Variants in SPATA16 observed in about 807,000 individuals in gnomAD.
The protein encoded by SPATA16 is spermatogenesis associated 16.
A neutral mutation model predicts 63.3 loss-of-function variants in SPATA16; 36 were observed. The observed-to-expected ratio is 0.57, with a 90% CI of 0.44 to 0.75. The LOEUF (loss-of-function observed/expected upper bound fraction) is 0.75, where lower values mean the gene tolerates loss of function less well. Ranked by LOEUF, SPATA16 falls within the 30% of genes least tolerant of loss-of-function variation. SPATA16 has a pLI of 0.00. For synonymous variants in SPATA16, 203 were observed against 216.7 expected (o/e 0.94, Z 0.56); for missense variants, 646 against 679.3 (o/e 0.95, Z 0.54).
chr3:173,091,649 G>T (rs999463152), intron 2 of SPATA16, among the ~76,000 whole-genome samples: 2 of 152,074 alleles, frequency 1.3e-5, no homozygotes, highest in Non-Finnish European at 2.9e-5. Context: ...CTAAGTGCTA[G>T]AAAAATGTTT....
At chr3:173,133,449 A>G (rs1738439757) in intron 1 of SPATA16, among the ~76,000 whole-genome samples, 1 of 152,098 alleles carries the variant, frequency 6.6e-6, no homozygotes, top group Admixed American at 6.5e-5. Flanking sequence ...CACCACAGCC[A>G]TGTTGTTCTC....
chr3:173,075,272 T>C (rs2108309863), intron 2 of SPATA16, among the ~76,000 whole-genome samples: 1 of 152,172 alleles, frequency 6.6e-6, no homozygotes, highest in African/African-American at 2.4e-5. Context: ...ATACAGTCAA[T>C]GACAGATTCT....
At chr3:173,093,071 A>T (rs1737262784) in intron 2 of SPATA16, among the ~76,000 whole-genome samples, 1 of 150,192 alleles carries the variant, frequency 6.7e-6, no homozygotes, top group South Asian at 2.1e-4. Flanking sequence ...ACACACACAC[A>T]CACACATATA....
chr3:173,017,631 G>A (rs893031634), intron 4 of SPATA16, among the ~76,000 whole-genome samples: 2 of 152,140 alleles, frequency 1.3e-5, no homozygotes, highest in African/African-American at 2.4e-5. Context: ...CAACTAGCTC[G>A]CTCCGAATTC....
intron 4 of SPATA16, among the ~76,000 whole-genome samples, chr3:172,996,067 A>G (rs1325321667): frequency 6.6e-6 from 1 of 152,008 alleles, no homozygotes; most frequent in Admixed American, 6.6e-5. Context: ...TAGCCTTAAC[A>G]CTTTTAATGA....
chr3:173,038,692 T>C (rs554174639), intron 3 of SPATA16, among the ~76,000 whole-genome samples: 9 of 152,234 alleles, frequency 5.9e-5, no homozygotes, highest in African/African-American at 2.2e-4. Context: ...AGACCAGCCA[T>C]TCACTGTGCT....
At chr3:173,061,677 C>A (rs998283442) in intron 2 of SPATA16, among the ~76,000 whole-genome samples, 1 of 152,158 alleles carries the variant, frequency 6.6e-6, no homozygotes, top group African/African-American at 2.4e-5. Flanking sequence ...GAAAGAAGCT[C>A]TACACTGTAG....
intron 10 of SPATA16, among the ~76,000 whole-genome samples, chr3:172,900,260 T>C (rs964455078): frequency 6.6e-6 from 1 of 152,214 alleles, no homozygotes; most frequent in Non-Finnish European, 1.5e-5. Context: ...CTGGCCTCCA[T>C]AGTTTCTAAT....
intron 2 of SPATA16, among the ~76,000 whole-genome samples, chr3:173,114,634 T>A (rs1359026510): frequency 6.6e-6 from 1 of 152,206 alleles, no homozygotes; most frequent in African/African-American, 2.4e-5. Flanking sequence ...CTTCAGACAC[T>A]TATTTTGCAG....
At chr3:173,067,729 T>G (rs778452737) in intron 2 of SPATA16, among the ~76,000 whole-genome samples, 1 of 151,910 alleles carries the variant, frequency 6.6e-6, no homozygotes, top group Non-Finnish European at 1.5e-5. Flanking sequence ...CTTTCCAAAC[T>G]TATAGAAAGA....
intron 3 of SPATA16, among the ~76,000 whole-genome samples, chr3:173,046,092 A>G (rs1304288698): frequency 6.6e-6 from 1 of 152,074 alleles, no homozygotes; most frequent in Admixed American, 6.6e-5. Context: ...AAATATATTT[A>G]TATAATAAAA....
chr3:172,894,248 A>C (rs1289840850), intron 10 of SPATA16, among the ~76,000 whole-genome samples: 1 of 152,180 alleles, frequency 6.6e-6, no homozygotes, highest in Non-Finnish European at 1.5e-5. Context: ...TTAGAATTAC[A>C]ATTGTTTTCA....
At chr3:172,947,802 G>C (rs1372386619) in intron 6 of SPATA16, among the ~76,000 whole-genome samples, 1 of 151,588 alleles carries the variant, frequency 6.6e-6, no homozygotes, top group Non-Finnish European at 1.5e-5. Flanking sequence ...AGGGGAAGGA[G>C]AGCATTAGGA....
chr3:172,911,385 C>T (rs1219571847), intron 10 of SPATA16, among the ~76,000 whole-genome samples: 2 of 152,092 alleles, frequency 1.3e-5, no homozygotes, highest in African/African-American at 2.4e-5. Flanking sequence ...TTAGTAGGGT[C>T]CCTGCTCCAA....
intron 1 of SPATA16, among the ~76,000 whole-genome samples, chr3:173,120,891 A>T (rs1367712629): frequency 6.6e-6 from 1 of 151,952 alleles, no homozygotes; most frequent in Admixed American, 6.6e-5. Flanking sequence ...AAACTGCTCT[A>T]TAGAAATCAT....
rs562554498 is a variant in SPATA16, at chr3:173,018,667, T to G, written c.848+819A>C. Among the ~76,000 whole-genome samples, 4 of 152,316 alleles carry G rather than the reference T, an allele frequency of 2.6e-5. No homozygotes were observed. The South Asian group carries it at 8.3e-4, about 32-fold the overall frequency. On this transcript the variant is annotated intron_variant, in intron 4 of 10. Coordinates refer to ENST00000351008, the MANE Select transcript of SPATA16 (RefSeq NM_031955.6). ...TTCTAGACAGTAGTCACCTGCAACC[T>G]AGGCACCCCATCTCGATTCCTGCAG...
At chr3:173,062,044 ATTTTTTTTTTTTT>A (rs10618031) in intron 2 of SPATA16, among the ~76,000 whole-genome samples, 1 of 115,538 alleles carries the variant, frequency 8.7e-6, no homozygotes, top group African/African-American at 3.5e-5. Context: ...GTGCTTCAAC[ATTTTTTTTTTTTT>A]TTTTTTTTTT....
In SPATA16 at chr3:172,994,122, C is replaced by T. The variant is rs571542098; in HGVS notation, c.849-17070G>A. On this transcript the variant is annotated intron_variant, in intron 4 of 10. Coordinates refer to ENST00000351008, the MANE Select transcript of SPATA16 (RefSeq NM_031955.6). ...TTTATTATGTATTTTAATACACAGA[C>T]ACCTGTTCTAAGAAAATCTTACCTA... Among the ~76,000 whole-genome samples, 292 of 152,154 alleles carry T rather than the reference C, an allele frequency of 1.9e-3. 1 individual carries two copies. Among genetic ancestry groups the T allele is most frequent in the Non-Finnish European group, 3.1e-3 (211 of 67,970 alleles).
chr3:172,990,661 G>A (rs1355803948), intron 4 of SPATA16, among the ~76,000 whole-genome samples: 1 of 152,156 alleles, frequency 6.6e-6, no homozygotes, highest in African/African-American at 2.4e-5. Flanking sequence ...ACATGAGACA[G>A]GAAGGATATG....
Sources: gnomAD v4.1 joint callset for allele counts (sites outside exome capture counted in the v4.1 genomes callset) on GRCh38, gnomAD v4.1.1 for gene constraint, MANE v1.5 for transcripts, NCBI Gene and HGNC (gene_info 2026-07-23, HGNC 2026-07-21) for gene names.